PDE8A: variants seen among roughly 807,000 people sequenced by gnomAD.
The protein encoded by PDE8A is phosphodiesterase 8A.
PDE8A carries 59 observed loss-of-function variants against 105.0 expected under a neutral mutation model. The ratio of observed to expected loss-of-function variants is 0.56; its 90% CI spans 0.46 to 0.70. The LOEUF (loss-of-function observed/expected upper bound fraction) is 0.70. Among genes scored for constraint, PDE8A ranks in the 30% least tolerant of loss-of-function variants. PDE8A has a pLI of 0.00. For missense variants in PDE8A, 1,014 were observed against 1,045.9 expected, an observed-to-expected ratio of 0.97 and a Z score of 0.42; for synonymous variants, 355 against 371.9, an observed-to-expected ratio of 0.95 and a Z score of 0.52.
chr15:85,091,309 G>A, intron 8 of PDE8A, 128 bp downstream of exon 8: 8 of 706,148 alleles, frequency 1.1e-5, no homozygotes, highest in Non-Finnish European at 1.7e-5. Context: ...TATAGGGAAT[G>A]TTATCCCTGT....
intron 20 of PDE8A, among the ~76,000 whole-genome samples, chr15:85,132,614 CGCCACCATGCCCA>C (rs1437583823): frequency 3.3e-5 from 5 of 152,006 alleles, no homozygotes; most frequent in African/African-American, 1.2e-4. Context: ...TACAGGTGCC[CGCCACCATGCCCA>C]GCTAATTTTT....
At chr15:85,018,232 G>A (rs908052876) in intron 1 of PDE8A, among the ~76,000 whole-genome samples, 2 of 152,166 alleles carry the variant, frequency 1.3e-5, no homozygotes, top group African/African-American at 4.8e-5. Flanking sequence ...TGGAAGTAGA[G>A]TCTGTAGTGG....
intron 2 of PDE8A, among the ~76,000 whole-genome samples, chr15:85,066,769 T>A (rs1026621722): frequency 6.6e-6 from 1 of 151,906 alleles, no homozygotes; most frequent in Admixed American, 6.6e-5. Flanking sequence ...CAAAACCCCG[T>A]CTCTACTAAA....
intron 8 of PDE8A, 41 bp downstream of exon 8, chr15:85,091,222 A>G: frequency 6.5e-7 from 1 of 1,538,058 alleles, no homozygotes; most frequent in Non-Finnish European, 8.8e-7. Flanking sequence ...TTCACAACAC[A>G]GAGAGAAGGA....
intron 11 of PDE8A, among the ~76,000 whole-genome samples, chr15:85,102,366 G>A (rs966336012): frequency 3.9e-5 from 6 of 152,162 alleles, no homozygotes; most frequent in African/African-American, 9.7e-5. Flanking sequence ...TCAAGAGCTC[G>A]TGTGTGACCT....
chr15:85,009,848 A>G (rs1275015342), intron 1 of PDE8A, among the ~76,000 whole-genome samples: 3 of 152,244 alleles, frequency 2.0e-5, no homozygotes, highest in African/African-American at 7.2e-5. Flanking sequence ...CCATTGTAGT[A>G]TTAGTCGTAC....
At chr15:85,121,322 T>C (rs1596539911) in intron 18 of PDE8A, among the ~76,000 whole-genome samples, 2 of 148,000 alleles carry the variant, frequency 1.4e-5, no homozygotes, top group Non-Finnish European at 3.0e-5. Context: ...GAGGCTAAGG[T>C]GGGAGGATTG....
intron 6 of PDE8A, among the ~76,000 whole-genome samples, chr15:85,086,074 C>T (rs546500689): frequency 1.3e-4 from 19 of 151,134 alleles, no homozygotes; most frequent in South Asian, 6.3e-4. Flanking sequence ...TAAATCAACA[C>T]GGGAAAAAGT....
intron 1 of PDE8A, among the ~76,000 whole-genome samples, chr15:85,031,312 G>A (rs1392782831): frequency 2.0e-5 from 3 of 152,172 alleles, no homozygotes; most frequent in African/African-American, 7.2e-5. Context: ...CACATAGCTT[G>A]TCTTGTAGTT....
chr15:85,090,703 CCCCCATCTAAACAG>C (rs767276070), intron 7 of PDE8A: 1 of 432,016 alleles, frequency 2.3e-6, no homozygotes, highest in South Asian at 1.6e-5. Flanking sequence ...CCCACCCCCA[CCCCCATCTAAACAG>C]CCCTGTTGTA....
intron 3 of PDE8A, among the ~76,000 whole-genome samples, chr15:85,070,067 C>G (rs1435561302): frequency 6.6e-6 from 1 of 152,178 alleles, no homozygotes; most frequent in Non-Finnish European, 1.5e-5. Flanking sequence ...CTTGCCCTGT[C>G]TCTGAGCTGA....
At chr15:85,026,634 G>C (rs530603794) in intron 1 of PDE8A, among the ~76,000 whole-genome samples, 29 of 152,258 alleles carry the variant, frequency 1.9e-4, no homozygotes, top group African/African-American at 5.8e-4. Context: ...TGGGTAGAGA[G>C]TCAAAAGATT....
At chr15:85,003,279 G>A (rs528902847) in intron 1 of PDE8A, among the ~76,000 whole-genome samples, 1 of 152,098 alleles carries the variant, frequency 6.6e-6, no homozygotes, top group Admixed American at 6.5e-5. Flanking sequence ...ACTTTTTGCT[G>A]TTCAACAGGA....
chr15:84,992,145 A>G (rs1236918557), intron 1 of PDE8A, among the ~76,000 whole-genome samples: 6 of 152,234 alleles, frequency 3.9e-5, no homozygotes, highest in Non-Finnish European at 1.5e-5. Flanking sequence ...GGAGGATAAC[A>G]GGCCCTGCTC....
chr15:85,035,822 A>G (rs1485806128), intron 1 of PDE8A, among the ~76,000 whole-genome samples: 1 of 152,224 alleles, frequency 6.6e-6, no homozygotes, highest in Non-Finnish European at 1.5e-5. Flanking sequence ...GTGGTCCCCT[A>G]ATATGTGTAT....
chr15:85,090,509 T>C lies in PDE8A; in HGVS notation c.715-535T>C, dbSNP rs552440398. ...CCTTACATTTGTAATTACTTCTTAG[T>C]TCATAGCCTGCTTTCCATACACATC... On this transcript the variant is annotated intron_variant, in intron 7 of 21. Coordinates refer to ENST00000394553, the MANE Select transcript of PDE8A (RefSeq NM_002605.3). 3.9e-5 allele frequency among the ~76,000 whole-genome samples: 6 copies of C among 152,310 alleles called. No homozygotes were observed. In the South Asian group the frequency reaches 1.2e-3, roughly 32 times the overall value.
intron 1 of PDE8A, among the ~76,000 whole-genome samples, chr15:85,012,720 GAA>G (rs1037949267): frequency 6.6e-6 from 1 of 150,544 alleles, no homozygotes; most frequent in African/African-American, 2.4e-5. Flanking sequence ...AAAAAAAAAA[GAA>G]GAAAATAATG....
At chr15:85,016,674 A>G (rs1465160865) in intron 1 of PDE8A, among the ~76,000 whole-genome samples, 1 of 152,112 alleles carries the variant, frequency 6.6e-6, no homozygotes, top group Non-Finnish European at 1.5e-5. Context: ...TAGCTTGTCT[A>G]GCTGTGGGAA....
chr15:85,085,422 G>A (rs562163884), intron 6 of PDE8A, among the ~76,000 whole-genome samples: 2 of 152,296 alleles, frequency 1.3e-5, no homozygotes, highest in African/African-American at 2.4e-5. Context: ...GAAACAGGCC[G>A]GGCACGGTGG....
Sources: allele counts gnomAD v4.1 joint callset (sites outside exome capture counted in the v4.1 genomes callset), GRCh38; gene constraint gnomAD v4.1.1; transcripts MANE v1.5; gene names NCBI Gene and HGNC (gene_info 2026-07-23, HGNC 2026-07-21).